STAB2: variants seen among roughly 807,000 people sequenced by gnomAD.
The protein encoded by STAB2 is stabilin-2.
Under a neutral mutation model 338.1 loss-of-function variants are expected in STAB2, and 288 were observed. The ratio of observed to expected loss-of-function variants is 0.85; its 90% CI spans 0.77 to 0.94. The LOEUF is 0.94. Among genes scored for constraint, STAB2 ranks in the 40% least tolerant of loss-of-function variants. STAB2 has a pLI of 0.00. For missense variants in STAB2, 3,141 were observed against 3,210.1 expected (o/e 0.98, Z 0.52); for synonymous variants, 1,202 against 1,193.3 (o/e 1.01, Z -0.15).
At chr12:103,606,472 T>C (rs1409522691) in intron 3 of STAB2, among the ~76,000 whole-genome samples, 3 of 152,210 alleles carry the variant, frequency 2.0e-5, no homozygotes, top group Non-Finnish European at 2.9e-5. Context: ...TACAGATTTG[T>C]ATCTGGTATT....
intron 42 of STAB2, among the ~76,000 whole-genome samples, 193 bp downstream of exon 42, chr12:103,713,961 C>T (rs762915634): frequency 6.6e-6 from 1 of 152,202 alleles, no homozygotes; most frequent in African/African-American, 2.4e-5. Flanking sequence ...AAAATTACTT[C>T]GGAAGGGTAA....
chr12:103,662,600 C>A (rs555628543), intron 17 of STAB2, among the ~76,000 whole-genome samples: 3 of 152,172 alleles, frequency 2.0e-5, no homozygotes, highest in Non-Finnish European at 2.9e-5. Flanking sequence ...TTGTACTTAG[C>A]CCTGCACCTG....
intron 49 of STAB2, 137 bp downstream of exon 49, chr12:103,730,393 C>A (rs1881541880): frequency 3.0e-6 from 3 of 1,010,716 alleles, no homozygotes; most frequent in East Asian, 2.6e-5. Flanking sequence ...GCCTAGTAAA[C>A]ATTATTCTTA....
chr12:103,605,462 C>T (rs1318255265), intron 3 of STAB2, among the ~76,000 whole-genome samples: 1 of 151,834 alleles, frequency 6.6e-6, no homozygotes, highest in Non-Finnish European at 1.5e-5. Flanking sequence ...CAAGTCTTTT[C>T]TATACTTAAT....
chr12:103,710,375 G>A (rs1347693119), intron 39 of STAB2, among the ~76,000 whole-genome samples: 1 of 152,192 alleles, frequency 6.6e-6, no homozygotes, highest in Non-Finnish European at 1.5e-5. Context: ...AAAAATTGTG[G>A]TATGGAGTAC....
rs78473155 is a variant in STAB2, at chr12:103,638,322, G to A, written c.906+110G>A. The A allele has an allele frequency of 2.8e-3, 3,524 of 1,265,274 alleles. 32 individuals carry two copies. The African/African-American group carries it at 0.031, about 11-fold the overall frequency. 78.4% of individuals were successfully genotyped at this position (1,265,274 alleles called of 1,614,324 possible). ...TCCCAATTCTCCCTTTCAATGTTCC[G>A]CTTGGTCTTCCCCTCCAGACAGTCC... On this transcript the variant is annotated intron_variant, in intron 8 of 68. Coordinates refer to ENST00000388887, the MANE Select transcript of STAB2 (RefSeq NM_017564.10).
intron 64 of STAB2, 131 bp downstream of exon 64, chr12:103,758,420 G>C (rs575491680): frequency 2.1e-6 from 3 of 1,454,058 alleles, no homozygotes; most frequent in Non-Finnish European, 2.8e-6. Flanking sequence ...CTGCAGATCA[G>C]TTGGCCACTC....
At position 103,746,583 on chromosome 12, in the gene STAB2, C is replaced by T. The variant is rs1051803274; in HGVS notation, c.6137-14C>T. 1 of 1,613,324 alleles carries T rather than the reference C, an allele frequency of 6.2e-7. No individual in the cohort carries two copies. The highest frequency in any genetic ancestry group is 8.5e-7 in the Non-Finnish European group (1 of 1,179,388). ...ACCATGGGTACAGAATGAAAGTGGC[C>T]CCTTTCTTTGCAGTTTTGCCTGCAG... On this transcript the variant is annotated splice_polypyrimidine_tract_variant and intron_variant, in intron 57 of 68. Transcript: ENST00000388887.
At chr12:103,739,542 TG>T in intron 54 of STAB2, 74 bp downstream of exon 54, 1 of 573,266 alleles carries the variant, frequency 1.7e-6, no homozygotes, top group Non-Finnish European at 2.7e-6. Flanking sequence ...TGTGTGTGTG[TG>T]TGTGTGTGTG....
At chr12:103,648,260 T>C (rs1873475800) in intron 9 of STAB2, among the ~76,000 whole-genome samples, 1 of 151,954 alleles carries the variant, frequency 6.6e-6, no homozygotes, top group Non-Finnish European at 1.5e-5. Context: ...GGAGCAGGGG[T>C]GGGGGAAGCA....
intron 31 of STAB2, among the ~76,000 whole-genome samples, chr12:103,695,009 A>T (rs1057351275): frequency 6.6e-6 from 1 of 152,130 alleles, no homozygotes; most frequent in African/African-American, 2.4e-5. Context: ...TTTAAAGGCA[A>T]TCTAAATTTA....
chr12:103,601,315 G>T (rs1956951078), intron 3 of STAB2, among the ~76,000 whole-genome samples: 2 of 152,234 alleles, frequency 1.3e-5, no homozygotes, highest in South Asian at 4.1e-4. Context: ...AAAGGGGCTG[G>T]GCGAGGTGGC....
At chr12:103,595,003 T>C (rs971390701) in intron 3 of STAB2, among the ~76,000 whole-genome samples, 1 of 152,182 alleles carries the variant, frequency 6.6e-6, no homozygotes, top group Non-Finnish European at 1.5e-5. Context: ...AAGTTAATTG[T>C]GTAGAGATGC....
intron 15 of STAB2, among the ~76,000 whole-genome samples, chr12:103,659,331 C>T (rs10431413): frequency 0.052 from 7,881 of 152,270 alleles, 336 homozygotes; most frequent in East Asian, 0.13. Flanking sequence ...GTGACCAAGG[C>T]CAAATGCAGA....
chr12:103,755,348 T>G lies in STAB2; in HGVS notation c.6761T>G (p.Val2254Gly), dbSNP rs1593344213. ...GCAGGCTGGCTGGAGACCGGGCGGG[T>G]TGCCTACCCCACAGCCTTCGCCTCC... ...CSAGWLETGR[V>G]AYPTAFASQN... The change falls in exon 62 of 69, where the codon GTT (valine) becomes GGT (glycine). Residue 2254 changes from valine to glycine, a missense_variant. Transcript: ENST00000388887. 3.1e-6 allele frequency: 5 copies of G among 1,614,014 alleles called. No homozygotes were observed. The highest frequency in any genetic ancestry group is 4.2e-6 in the Non-Finnish European group (5 of 1,180,006).
intron 55 of STAB2, 114 bp from the exon 56 acceptor site, chr12:103,742,291 A>C: frequency 7.2e-7 from 1 of 1,388,020 alleles, no homozygotes; most frequent in Non-Finnish European, 9.9e-7. Flanking sequence ...CTGACACTGA[A>C]GGCGATGGTC....
At position 103,706,876 on chromosome 12, in the gene STAB2, A is replaced by G. The variant is rs1360447945; in HGVS notation, c.4081A>G (p.Ile1361Val). The stretch of plus-strand genomic sequence containing the variant: ...CCAGAATGTCTGCTTTGGTAATGGC[A>G]TCTGTTTGGATGGAGTGAATGGCAC... ...NAQNVCFGNGICLDGVNGTGV... is the reference protein window; with the variant it reads ...NAQNVCFGNGVCLDGVNGTGV... Residue 1361 changes from isoleucine to valine, a missense_variant, in exon 38 of 69, where the codon ATC becomes GTC. Physicochemically the swap from Ile to Val is conservative, Grantham distance 29. Coordinates refer to ENST00000388887, the MANE Select transcript of STAB2 (RefSeq NM_017564.10). The G allele has an allele frequency of 3.1e-6, 5 of 1,614,096 alleles. No homozygotes were observed. Among genetic ancestry groups the G allele is most frequent in the South Asian group, 1.1e-5 (1 of 91,090 alleles).
At position 103,636,198 on chromosome 12, in the gene STAB2, TC is replaced by T. The variant is rs751014006; in HGVS notation, c.584-907del. 2.0e-4 allele frequency among the ~76,000 whole-genome samples: 21 copies of T among 102,878 alleles called. No homozygotes were observed. In the East Asian group the frequency reaches 2.1e-3, roughly 10 times the overall value. 67.5% of individuals were successfully genotyped at this position (102,878 alleles called of 152,430 possible). A position where few individuals can be genotyped will look rare whatever the true frequency, so the allele number is the denominator to read the frequency against. ...ATCTCCTAATGCTATCCATCCCCCC[TC>T]CCCCCACCCCACAACAGTCCCCGGT... On this transcript the variant is annotated intron_variant, in intron 6 of 68. Coordinates refer to ENST00000388887, the MANE Select transcript of STAB2 (RefSeq NM_017564.10).
In STAB2 at chr12:103,712,413, G is replaced by C; in HGVS notation, c.4381G>C (p.Gly1461Arg). The change falls in exon 41 of 69, where the codon GGA becomes CGA. Residue 1461 changes from glycine to arginine, a missense_variant. Transcript: ENST00000388887. ...DGTASCKCAA[G>R]FQGNGTICTA... ...TACAGCTTCATGCAAGTGTGCAGCA[G>C]GATTCCAAGGAAACGGGACCATCTG... 1.2e-6 allele frequency: 2 copies of C among 1,614,098 alleles called. No individual in the cohort carries two copies. Among genetic ancestry groups the C allele is most frequent in the Non-Finnish European group, 1.7e-6 (2 of 1,179,978 alleles).
Sources: allele counts gnomAD v4.1 joint callset (sites outside exome capture counted in the v4.1 genomes callset), GRCh38; gene constraint gnomAD v4.1.1; transcripts MANE v1.5; gene names NCBI Gene and HGNC (gene_info 2026-07-23, HGNC 2026-07-21).